The following KCNH8 variants were observed in gnomAD, a reference collection of about 807,000 sequenced individuals.
KCNH8 encodes the protein potassium voltage-gated channel subfamily H member 8.
Under a neutral mutation model 103.6 loss-of-function variants are expected in KCNH8, and 70 were observed. That is an observed-to-expected ratio of 0.68 (90% CI 0.56 to 0.82). The LOEUF is 0.82. Among genes scored for constraint, KCNH8 ranks in the 40% least tolerant of loss-of-function variants. The pLI is 0.00. For synonymous variants in KCNH8, 498 were observed against 489.4 expected (o/e 1.02, Z -0.23); for missense variants, 1,217 against 1,329.9 (o/e 0.92, Z 1.32).
chr3:19,266,628 G>T (rs547098870), intron 2 of KCNH8, among the ~76,000 whole-genome samples: 2 of 152,200 alleles, frequency 1.3e-5, no homozygotes, highest in East Asian at 3.9e-4. Flanking sequence ...ACAGTGCCTA[G>T]AATAGTTCCT....
At position 19,482,464 on chromosome 3, in the gene KCNH8, G is replaced by A. The variant is rs576621161; in HGVS notation, c.2040+25482G>A. On this transcript the variant is annotated intron_variant, in intron 11 of 15. Coordinates refer to ENST00000328405, the MANE Select transcript of KCNH8 (RefSeq NM_144633.3). ...ACTACCTATGTCTTTTTGCAAGACA[G>A]ATCGATAGTAATTCATACAGTACAC... 6.6e-5 allele frequency among the ~76,000 whole-genome samples: 10 copies of A among 152,280 alleles called. No homozygotes were observed. In the South Asian group the frequency reaches 1.9e-3, roughly 28 times the overall value.
chr3:19,180,479 T>C (rs956631447), intron 1 of KCNH8, among the ~76,000 whole-genome samples: 11 of 152,166 alleles, frequency 7.2e-5, no homozygotes, highest in African/African-American at 2.7e-4. Flanking sequence ...ATTACACTTT[T>C]GGAGATTAGG....
At chr3:19,229,677 C>T (rs904722374) in intron 1 of KCNH8, among the ~76,000 whole-genome samples, 1 of 152,218 alleles carries the variant, frequency 6.6e-6, no homozygotes, top group Non-Finnish European at 1.5e-5. Flanking sequence ...ACATTTTCCC[C>T]TCCTCATCTC....
intron 11 of KCNH8, among the ~76,000 whole-genome samples, chr3:19,471,090 G>A (rs888063009): frequency 6.6e-6 from 1 of 152,166 alleles, no homozygotes; most frequent in African/African-American, 2.4e-5. Context: ...TGGGGAAGGG[G>A]AGTTTAGTTG....
intron 2 of KCNH8, among the ~76,000 whole-genome samples, chr3:19,277,371 T>C (rs2064689420): frequency 6.6e-6 from 1 of 152,044 alleles, no homozygotes; most frequent in Non-Finnish European, 1.5e-5. Context: ...GAGACCAGCG[T>C]GGGAAACATA....
chr3:19,501,167 C>G (rs1293928335), intron 11 of KCNH8, among the ~76,000 whole-genome samples: 6 of 152,120 alleles, frequency 3.9e-5, no homozygotes, highest in East Asian at 1.9e-4. Flanking sequence ...AAATAAACTG[C>G]AAAATCTAGA....
intron 7 of KCNH8, among the ~76,000 whole-genome samples, chr3:19,414,020 G>T (rs2066824518): frequency 6.6e-6 from 1 of 152,060 alleles, no homozygotes; most frequent in Non-Finnish European, 1.5e-5. Context: ...CAGATAGCTT[G>T]AGTTTTTTAA....
chr3:19,290,481 C>G (rs1236827601), intron 3 of KCNH8, among the ~76,000 whole-genome samples: 1 of 152,114 alleles, frequency 6.6e-6, no homozygotes, highest in African/African-American at 2.4e-5. Flanking sequence ...TGTCAAAGGC[C>G]TTTTCTGCAT....
chr3:19,311,741 G>C (rs1001596730), intron 3 of KCNH8, among the ~76,000 whole-genome samples: 1 of 151,802 alleles, frequency 6.6e-6, no homozygotes, highest in Non-Finnish European at 1.5e-5. Context: ...TTCAAGGTTA[G>C]ACACACAACC....
At chr3:19,239,094 A>G (rs2064101721) in intron 1 of KCNH8, among the ~76,000 whole-genome samples, 1 of 152,246 alleles carries the variant, frequency 6.6e-6, no homozygotes, top group South Asian at 2.1e-4. Flanking sequence ...TGTTTCAGTT[A>G]GGAATGCTTT....
chr3:19,202,933 C>A (rs1322641610), intron 1 of KCNH8, among the ~76,000 whole-genome samples: 1 of 152,060 alleles, frequency 6.6e-6, no homozygotes, highest in South Asian at 2.1e-4. Flanking sequence ...CCTGACCACC[C>A]GACGATACAA....
intron 1 of KCNH8, among the ~76,000 whole-genome samples, chr3:19,212,243 A>AT (rs1200275379): frequency 2.6e-5 from 4 of 152,208 alleles, no homozygotes; most frequent in Non-Finnish European, 5.9e-5. Context: ...TATTACCTTG[A>AT]TTTTAAGAGT....
intron 5 of KCNH8, among the ~76,000 whole-genome samples, chr3:19,377,487 A>G (rs1014513198): frequency 6.6e-6 from 1 of 152,228 alleles, no homozygotes; most frequent in African/African-American, 2.4e-5. Flanking sequence ...TATTTATGCT[A>G]AAGAATCATC....
intron 2 of KCNH8, among the ~76,000 whole-genome samples, chr3:19,266,694 C>A (rs895411244): frequency 7.9e-5 from 12 of 152,064 alleles, no homozygotes; most frequent in Admixed American, 2.6e-4. Context: ...GTTTTTCTTG[C>A]TGTTTCAATT....
intron 11 of KCNH8, among the ~76,000 whole-genome samples, chr3:19,471,105 G>T (rs187487353): frequency 5.4e-4 from 82 of 152,242 alleles, no homozygotes; most frequent in Non-Finnish European, 7.8e-4. Context: ...TAGTTGGGCT[G>T]GGAAAGGGAG....
intron 11 of KCNH8, among the ~76,000 whole-genome samples, chr3:19,494,384 A>G (rs1477755707): frequency 6.6e-6 from 1 of 152,052 alleles, no homozygotes; most frequent in East Asian, 1.9e-4. Context: ...ATGGCCAATG[A>G]TTTTGAAAAC....
chr3:19,315,953 A>G (rs779988716), intron 3 of KCNH8, among the ~76,000 whole-genome samples: 3 of 152,024 alleles, frequency 2.0e-5, no homozygotes, highest in Non-Finnish European at 4.4e-5. Flanking sequence ...TGACTGGAGA[A>G]AGATGAATCA....
intron 3 of KCNH8, among the ~76,000 whole-genome samples, chr3:19,285,252 G>C (rs1030561821): frequency 3.3e-5 from 5 of 152,082 alleles, no homozygotes; most frequent in African/African-American, 1.2e-4. Context: ...TTATTGAGCA[G>C]CCACTCTGAC....
intron 5 of KCNH8, among the ~76,000 whole-genome samples, chr3:19,370,413 TAAGA>T (rs2066072279): frequency 6.6e-6 from 1 of 152,036 alleles, no homozygotes; most frequent in African/African-American, 2.4e-5. Flanking sequence ...AATTGGAACT[TAAGA>T]AAGGTAATTA....
Sources: gnomAD v4.1 joint callset for allele counts (sites outside exome capture counted in the v4.1 genomes callset) on GRCh38, gnomAD v4.1.1 for gene constraint, MANE v1.5 for transcripts, NCBI Gene and HGNC (gene_info 2026-07-23, HGNC 2026-07-21) for gene names.